Variants in PHLPP1 observed in about 807,000 individuals in gnomAD.
PHLPP1 encodes PH domain and leucine rich repeat protein phosphatase 1.
A neutral mutation model predicts 117.2 loss-of-function variants in PHLPP1; 42 were observed. The ratio of observed to expected loss-of-function variants is 0.36; its 90% CI spans 0.28 to 0.46. PHLPP1 has a LOEUF of 0.46. Among genes scored for constraint, PHLPP1 ranks in the 20% least tolerant of loss-of-function variants. The probability of loss-of-function intolerance (pLI) is 1.00; values close to 1 mark genes in which losing one functional copy is unlikely to be tolerated. For missense variants in PHLPP1, 2,084 were observed against 2,241.9 expected (o/e 0.93, Z 1.42); for synonymous variants, 1,042 against 970.7 (o/e 1.07, Z -1.37).
chr18:62,969,045 ATGGGTTTTT>A (rs1691240161), intron 14 of PHLPP1, among the ~76,000 whole-genome samples: 1 of 151,108 alleles, frequency 6.6e-6, no homozygotes, highest in Non-Finnish European at 1.5e-5. Flanking sequence ...TTTTTGTTTT[ATGGGTTTTT>A]TGGGTTTTTT....
At chr18:62,884,559 C>T (rs1336279103) in intron 4 of PHLPP1, among the ~76,000 whole-genome samples, 1 of 152,250 alleles carries the variant, frequency 6.6e-6, no homozygotes, top group Non-Finnish European at 1.5e-5. Flanking sequence ...AAGTAGGGGG[C>T]AGGCCCAGAG....
chr18:62,865,215 A>G (rs1599090831), intron 4 of PHLPP1, among the ~76,000 whole-genome samples: 2 of 152,166 alleles, frequency 1.3e-5, no homozygotes, highest in Non-Finnish European at 2.9e-5. Context: ...AGTCTCAGCT[A>G]CTGGGGAGGC....
intron 1 of PHLPP1, among the ~76,000 whole-genome samples, chr18:62,778,309 C>T (rs2144275599): frequency 6.6e-6 from 1 of 152,300 alleles, no homozygotes; most frequent in African/African-American, 2.4e-5. Context: ...GAAGGGCAGA[C>T]TGGGCAGCCA....
chr18:62,900,881 C>T (rs1031167825), intron 6 of PHLPP1, among the ~76,000 whole-genome samples: 1 of 152,120 alleles, frequency 6.6e-6, no homozygotes, highest in Non-Finnish European at 1.5e-5. Flanking sequence ...TCACAGTTTA[C>T]GTATATTTCA....
chr18:62,734,408 CTTA>C (rs1279193522), intron 1 of PHLPP1, among the ~76,000 whole-genome samples: 2 of 152,188 alleles, frequency 1.3e-5, no homozygotes, highest in Non-Finnish European at 2.9e-5. Context: ...CATAAAACAA[CTTA>C]TTAGCTCTTT....
At chr18:62,971,834 C>T (rs532708839) in intron 14 of PHLPP1, among the ~76,000 whole-genome samples, 5 of 152,078 alleles carry the variant, frequency 3.3e-5, no homozygotes, top group South Asian at 2.1e-4. Context: ...CTCAGGAGTT[C>T]GAGACCAGCC....
intron 1 of PHLPP1, among the ~76,000 whole-genome samples, chr18:62,778,575 G>A (rs1913030284): frequency 6.6e-6 from 1 of 152,106 alleles, no homozygotes. Context: ...GGGCCTTGCT[G>A]TTGTTTTGCT....
chr18:62,723,781 G>C (rs924373510), intron 1 of PHLPP1, among the ~76,000 whole-genome samples: 2 of 152,164 alleles, frequency 1.3e-5, no homozygotes, highest in Non-Finnish European at 2.9e-5. Context: ...GCTTTTTAGA[G>C]AAAGTAGTCT....
intron 6 of PHLPP1, 42 bp from the exon 7 acceptor site, chr18:62,902,922 G>A (rs1916759258): frequency 8.3e-7 from 1 of 1,201,950 alleles, no homozygotes; most frequent in Non-Finnish European, 1.2e-6. Context: ...TTTACTTATA[G>A]CATTGCAGTT....
intron 7 of PHLPP1, 39 bp from the exon 8 acceptor site, chr18:62,905,185 A>C: frequency 3.0e-6 from 4 of 1,317,794 alleles, no homozygotes; most frequent in Non-Finnish European, 4.1e-6. Context: ...TGTCATTTGT[A>C]TAGTAATGTC....
At chr18:62,799,526 C>T (rs2144298286) in intron 1 of PHLPP1, among the ~76,000 whole-genome samples, 1 of 152,290 alleles carries the variant, frequency 6.6e-6, no homozygotes, top group South Asian at 2.1e-4. Flanking sequence ...AAACTGAGCT[C>T]AAAGGATGTG....
intron 1 of PHLPP1, among the ~76,000 whole-genome samples, chr18:62,722,163 A>T (rs182742414): frequency 7.9e-5 from 12 of 152,278 alleles, no homozygotes; most frequent in African/African-American, 2.4e-4. Flanking sequence ...CACGTGAGTG[A>T]ACTCTGGATT....
intron 12 of PHLPP1, among the ~76,000 whole-genome samples, chr18:62,954,319 A>G (rs965309613): frequency 1.3e-5 from 2 of 152,206 alleles, no homozygotes; most frequent in African/African-American, 4.8e-5. Flanking sequence ...TGTTTTAGCC[A>G]GATTTAACAT....
intron 1 of PHLPP1, among the ~76,000 whole-genome samples, chr18:62,769,102 A>G (rs1012847987): frequency 2.0e-5 from 3 of 152,244 alleles, no homozygotes; most frequent in African/African-American, 7.2e-5. Context: ...ATATCTAGAA[A>G]TTATTAAGAA....
intron 8 of PHLPP1, among the ~76,000 whole-genome samples, chr18:62,914,012 C>T (rs111981094): frequency 4.9e-4 from 74 of 151,996 alleles, no homozygotes; most frequent in African/African-American, 1.6e-3. Flanking sequence ...CCCAAAGTGC[C>T]GGGATTACAA....
chr18:62,742,635 C>T (rs1009983585), intron 1 of PHLPP1, among the ~76,000 whole-genome samples: 2 of 152,172 alleles, frequency 1.3e-5, no homozygotes, highest in Non-Finnish European at 2.9e-5. Flanking sequence ...GGGGTTTCAC[C>T]GTGTTGGTCA....
At chr18:62,768,791 A>C (rs1230849912) in intron 1 of PHLPP1, among the ~76,000 whole-genome samples, 3 of 152,148 alleles carry the variant, frequency 2.0e-5, no homozygotes, top group Non-Finnish European at 4.4e-5. Flanking sequence ...GAGATGGGGG[A>C]AAAAAAGACT....
intron 3 of PHLPP1, among the ~76,000 whole-genome samples, chr18:62,858,769 T>C (rs1218394412): frequency 6.6e-6 from 1 of 152,084 alleles, no homozygotes; most frequent in Non-Finnish European, 1.5e-5. Context: ...TGCCCCTACT[T>C]TATTATCTAA....
intron 11 of PHLPP1, among the ~76,000 whole-genome samples, chr18:62,944,252 A>G (rs1430986566): frequency 6.6e-6 from 1 of 152,192 alleles, no homozygotes; most frequent in Non-Finnish European, 1.5e-5. Context: ...GCCAGATACT[A>G]TTACAGTGAT....
Sources: gnomAD v4.1 joint callset for allele counts (sites outside exome capture counted in the v4.1 genomes callset) on GRCh38, gnomAD v4.1.1 for gene constraint, MANE v1.5 for transcripts, NCBI Gene and HGNC (gene_info 2026-07-23, HGNC 2026-07-21) for gene names.